Variants in XRCC4 observed in about 807,000 individuals in gnomAD.
The protein encoded by XRCC4 is X-ray repair cross complementing 4.
A neutral mutation model predicts 39.1 loss-of-function variants in XRCC4; 28 were observed. The ratio of observed to expected loss-of-function variants is 0.72; its 90% CI spans 0.53 to 0.98. The LOEUF is 0.98. Ranked by LOEUF, XRCC4 falls within the 50% of genes least tolerant of loss-of-function variation. XRCC4 has a pLI of 0.00. For missense variants in XRCC4, 350 were observed against 376.4 expected (o/e 0.93, Z 0.58); for synonymous variants, 123 against 126.4 (o/e 0.97, Z 0.18).
intron 3 of XRCC4, among the ~76,000 whole-genome samples, chr5:83,135,127 G>T (rs1039976913): frequency 6.6e-6 from 1 of 152,146 alleles, no homozygotes; most frequent in African/African-American, 2.4e-5. Flanking sequence ...GTCTGTCATG[G>T]CATCCCTTGG....
At chr5:83,097,894 T>C (rs1030784693) in intron 1 of XRCC4, among the ~76,000 whole-genome samples, 6 of 152,134 alleles carry the variant, frequency 3.9e-5, no homozygotes, top group Non-Finnish European at 7.4e-5. Context: ...TCAATGAATA[T>C]GAAGGAAGTT....
chr5:83,233,359 A>G (rs1391672731), intron 6 of XRCC4, among the ~76,000 whole-genome samples: 1 of 152,194 alleles, frequency 6.6e-6, no homozygotes, highest in Admixed American at 6.6e-5. Flanking sequence ...GTGAATCCAG[A>G]GAGAAAATAA....
At chr5:83,106,461 A>G (rs1288832740) in intron 2 of XRCC4, among the ~76,000 whole-genome samples, 3 of 152,066 alleles carry the variant, frequency 2.0e-5, no homozygotes, top group Admixed American at 2.0e-4. Flanking sequence ...AAGGTGTTTC[A>G]GGAGCCTTAA....
chr5:83,242,575 A>G (rs1401900008), intron 6 of XRCC4, among the ~76,000 whole-genome samples: 1 of 152,038 alleles, frequency 6.6e-6, no homozygotes, highest in African/African-American at 2.4e-5. Context: ...CCTCCCAAGT[A>G]GCTGTTTGGT....
At chr5:83,361,623 CT>C in the XRCC4 span, among the ~76,000 whole-genome samples, 1,014 of 144,666 alleles carry the variant, frequency 7.0e-3, 9 homozygotes, top group African/African-American at 0.021. Flanking sequence ...TTTTATTTTT[CT>C]TTTTTTTTTT....
chr5:83,206,716 GTAAC>G (rs941308042), intron 6 of XRCC4, among the ~76,000 whole-genome samples: 10 of 152,116 alleles, frequency 6.6e-5, no homozygotes, highest in African/African-American at 2.4e-4. Context: ...ACTGATGAGA[GTAAC>G]TAAAGAGAGC....
intron 4 of XRCC4, chr5:83,201,437 G>T (rs1042499215): frequency 7.9e-5 from 12 of 152,286 alleles, no homozygotes; most frequent in Non-Finnish European, 1.8e-4. Context: ...GTACAAGCTG[G>T]TAGGGGCTTC....
At chr5:83,132,036 G>A (rs932362430) in intron 3 of XRCC4, among the ~76,000 whole-genome samples, 2 of 152,086 alleles carry the variant, frequency 1.3e-5, no homozygotes, top group East Asian at 1.9e-4. Flanking sequence ...TCCTTTCCAC[G>A]TTTGGGGCTT....
chr5:83,213,855 T>G (rs190397307), intron 6 of XRCC4, among the ~76,000 whole-genome samples: 61 of 152,292 alleles, frequency 4.0e-4, no homozygotes, highest in African/African-American at 1.2e-3. Context: ...CAGAAAGAAT[T>G]ATACACTATG....
chr5:83,148,506 T>C (rs1748560844), intron 3 of XRCC4, among the ~76,000 whole-genome samples: 1 of 152,196 alleles, frequency 6.6e-6, no homozygotes, highest in Admixed American at 6.5e-5. Context: ...GAGTTATTCT[T>C]TGAGTACTCT....
At chr5:83,341,186 G>C (rs1056398904) in intron 7 of XRCC4, among the ~76,000 whole-genome samples, 10 of 148,394 alleles carry the variant, frequency 6.7e-5, no homozygotes, top group Non-Finnish European at 1.5e-4. Context: ...TATAATGTAT[G>C]TATAAGGTTT....
At chr5:83,284,052 C>CAAAAAAAAAAAAAAAAAAAAAA (rs766161565) in intron 7 of XRCC4, among the ~76,000 whole-genome samples, 1 of 16,070 alleles carries the variant, frequency 6.2e-5, no homozygotes, top group African/African-American at 1.8e-4. Context: ...CAACCCAGAG[C>CAAAAAAAAAAAAAAAAAAAAAA]AAAAAAAAAA....
At chr5:83,304,266 G>A (rs1296522682) in intron 7 of XRCC4, among the ~76,000 whole-genome samples, 5 of 144,634 alleles carry the variant, frequency 3.5e-5, no homozygotes, top group Non-Finnish European at 6.0e-5. Context: ...TGCAACCTCC[G>A]CTTCCCAGGT....
intron 7 of XRCC4, among the ~76,000 whole-genome samples, chr5:83,347,458 T>C (rs1035118442): frequency 6.6e-5 from 10 of 152,112 alleles, no homozygotes; most frequent in African/African-American, 2.4e-4. Context: ...CAGACACATC[T>C]TCACATGACT....
intron 7 of XRCC4, among the ~76,000 whole-genome samples, chr5:83,264,323 G>C (rs1445966818): frequency 6.6e-6 from 1 of 152,038 alleles, no homozygotes; most frequent in African/African-American, 2.4e-5. Context: ...CAGTCACATA[G>C]AGTTTAGGCA....
At chr5:83,287,189 A>G (rs1374650486) in intron 7 of XRCC4, among the ~76,000 whole-genome samples, 9 of 152,098 alleles carry the variant, frequency 5.9e-5, no homozygotes, top group Non-Finnish European at 4.4e-5. Flanking sequence ...AAATTGAAAA[A>G]GAAGGGCATG....
At chr5:83,213,599 G>GA (rs1175414302) in intron 6 of XRCC4, among the ~76,000 whole-genome samples, 1 of 151,894 alleles carries the variant, frequency 6.6e-6, no homozygotes, top group Admixed American at 6.6e-5. Context: ...GAAAACCCTG[G>GA]GCCCAGATGA....
intron 6 of XRCC4, among the ~76,000 whole-genome samples, chr5:83,209,083 AGTGTGTGTGTGTGT>A (rs35019637): frequency 2.8e-5 from 4 of 143,586 alleles, no homozygotes; most frequent in Admixed American, 6.9e-5. Context: ...CTCCAAAGTG[AGTGTGTGTGTGTGT>A]GTGTGTGTGT....
At chr5:83,134,716 T>G (rs1747798945) in intron 3 of XRCC4, among the ~76,000 whole-genome samples, 1 of 152,154 alleles carries the variant, frequency 6.6e-6, no homozygotes, top group Non-Finnish European at 1.5e-5. Context: ...TGTGGAAGCT[T>G]TGTTCTTTCA....
Sources: allele counts gnomAD v4.1 joint callset (sites outside exome capture counted in the v4.1 genomes callset), GRCh38; gene constraint gnomAD v4.1.1; transcripts MANE v1.5; gene names NCBI Gene and HGNC (gene_info 2026-07-23, HGNC 2026-07-21).